SRBD1: variants seen among roughly 807,000 people sequenced by gnomAD.
The protein encoded by SRBD1 is S1 RNA-binding domain-containing protein 1.
A neutral mutation model predicts 115.3 loss-of-function variants in SRBD1; 88 were observed. The observed-to-expected ratio is 0.76, with a 90% CI of 0.64 to 0.91. The LOEUF (loss-of-function observed/expected upper bound fraction) is 0.91. Ranked by LOEUF, SRBD1 falls within the 40% of genes least tolerant of loss-of-function variation. The pLI is 0.00. For missense variants in SRBD1, 1,385 were observed against 1,177.4 expected (o/e 1.18, Z -2.58); for synonymous variants, 509 against 407.7 (o/e 1.25, Z -2.99).
intron 15 of SRBD1, among the ~76,000 whole-genome samples, chr2:45,477,423 T>C (rs1669836902): frequency 6.6e-6 from 1 of 152,332 alleles, no homozygotes. Context: ...TACCTCATGC[T>C]TCACAGAGGA....
chr2:45,491,848 G>C (rs1433133794), intron 14 of SRBD1, among the ~76,000 whole-genome samples: 1 of 152,102 alleles, frequency 6.6e-6, no homozygotes, highest in Non-Finnish European at 1.5e-5. Flanking sequence ...TTGAGACAGA[G>C]TCTCACTCTG....
chr2:45,451,813 G>T (rs1478990938), intron 16 of SRBD1, among the ~76,000 whole-genome samples: 2 of 151,118 alleles, frequency 1.3e-5, no homozygotes, highest in Non-Finnish European at 3.0e-5. Flanking sequence ...TGTCTGTCTG[G>T]GCAGTAGAGA....
intron 16 of SRBD1, among the ~76,000 whole-genome samples, chr2:45,430,291 T>G (rs1668293114): frequency 6.6e-6 from 1 of 152,100 alleles, no homozygotes; most frequent in Non-Finnish European, 1.5e-5. Context: ...AGAAAAAAAC[T>G]ACTTTAAATT....
chr2:45,563,384 G>A (rs1032367013), intron 9 of SRBD1, among the ~76,000 whole-genome samples: 1 of 151,672 alleles, frequency 6.6e-6, no homozygotes, highest in African/African-American at 2.4e-5. Context: ...TTAAAAGAAC[G>A]ACTGTCTTAA....
intron 12 of SRBD1, among the ~76,000 whole-genome samples, chr2:45,548,250 T>C (rs1361820992): frequency 6.6e-6 from 1 of 150,926 alleles, no homozygotes; most frequent in African/African-American, 2.4e-5. Flanking sequence ...AAAGCAAAAA[T>C]TAACAGAAAA....
intron 9 of SRBD1, among the ~76,000 whole-genome samples, chr2:45,569,029 T>C (rs1253697306): frequency 1.3e-5 from 2 of 152,214 alleles, no homozygotes; most frequent in East Asian, 1.9e-4. Flanking sequence ...AATCTTTAAA[T>C]GGGCAAGGGC....
intron 4 of SRBD1, among the ~76,000 whole-genome samples, chr2:45,589,949 C>T (rs1673666304): frequency 6.6e-6 from 1 of 152,146 alleles, no homozygotes; most frequent in Non-Finnish European, 1.5e-5. Context: ...AGTGTATATA[C>T]ATTGTTTTAA....
rs536068986 is a variant in SRBD1, at chr2:45,450,086, C to T, written c.2049+26907G>A. Among the ~76,000 whole-genome samples, 5 of 152,172 alleles carry T rather than the reference C, an allele frequency of 3.3e-5. No homozygotes were observed. The East Asian group carries it at 9.6e-4, about 29-fold the overall frequency. On this transcript the variant is annotated intron_variant, in intron 16 of 20. Coordinates refer to ENST00000263736, the MANE Select transcript of SRBD1 (RefSeq NM_018079.5). ...ACCTTTCTTAACAGATGACATAAGA[C>T]CACAAAAAGAAGCACAGGAGGCCTA... is the stretch of plus-strand genomic sequence containing the variant.
At chr2:45,546,438 G>A in intron 14 of SRBD1, 1 of 755,504 alleles carries the variant, frequency 1.3e-6, no homozygotes, top group Non-Finnish European at 1.6e-6. Context: ...TTATTCAATA[G>A]TTAACTAGAA....
rs541673777 is a variant in SRBD1 at position 45,503,113 on chromosome 2, C to A, written c.1875-14782G>T. Among the ~76,000 whole-genome samples the A allele has an allele frequency of 2.6e-5, 4 of 152,308 alleles. No homozygotes were observed. In the East Asian group the frequency reaches 7.7e-4, roughly 29 times the overall value. On this transcript the variant is annotated intron_variant, in intron 14 of 20. Transcript: ENST00000263736. ...ATGTGAAAGCTTAAGAGTTTTCCAG[C>A]TGCACAATACATAAATGTCTTTCAT...
chr2:45,514,529 T>C (rs1002312157), intron 14 of SRBD1, among the ~76,000 whole-genome samples: 3 of 152,190 alleles, frequency 2.0e-5, no homozygotes, highest in African/African-American at 7.2e-5. Flanking sequence ...CCAACACAAG[T>C]CATTTAGCTA....
chr2:45,433,301 T>C (rs1668393691), intron 16 of SRBD1, among the ~76,000 whole-genome samples: 1 of 152,162 alleles, frequency 6.6e-6, no homozygotes, highest in Non-Finnish European at 1.5e-5. Context: ...AAAATAACTG[T>C]GTGAGGTAAT....
intron 9 of SRBD1, among the ~76,000 whole-genome samples, chr2:45,572,663 C>T (rs1466324403): frequency 1.3e-5 from 2 of 151,962 alleles, no homozygotes; most frequent in Non-Finnish European, 1.5e-5. Flanking sequence ...AATATAAACG[C>T]CAGTGTTACT....
rs185119161 is a variant in SRBD1 at position 45,585,065 on chromosome 2, G to A, written c.815+543C>T. 2.4e-3 allele frequency among the ~76,000 whole-genome samples: 357 copies of A among 151,890 alleles called. 1 individual carries two copies. The highest frequency in any genetic ancestry group is 3.4e-3 in the Non-Finnish European group (233 of 67,960). On this transcript the variant is annotated intron_variant, in intron 5 of 20. Transcript: ENST00000263736. Reference sequence around the variant, plus strand: ...CTCGGGAGGCTGAGGCAGGAGAGTCGCCTGAGCCTGGGATACAGAGATTGT... The same window carrying A: ...CTCGGGAGGCTGAGGCAGGAGAGTCACCTGAGCCTGGGATACAGAGATTGT...
At chr2:45,436,209 C>A (rs2880635) in intron 16 of SRBD1, among the ~76,000 whole-genome samples, 5,661 of 152,172 alleles carry the variant, frequency 0.037, 318 homozygotes, top group African/African-American at 0.12. Context: ...CTAACTAACA[C>A]TCATTCATGA....
intron 14 of SRBD1, among the ~76,000 whole-genome samples, chr2:45,503,578 T>C (rs1670703940): frequency 1.3e-5 from 2 of 152,320 alleles, no homozygotes; most frequent in South Asian, 4.1e-4. Context: ...ATAATTCACA[T>C]ACCAATTCAT....
intron 16 of SRBD1, among the ~76,000 whole-genome samples, chr2:45,455,070 T>C (rs1161946873): frequency 6.6e-6 from 1 of 151,910 alleles, no homozygotes; most frequent in Non-Finnish European, 1.5e-5. Context: ...ACAATTCCTC[T>C]ACACTTCTTA....
At chr2:45,483,032 C>T (rs1670014417) in intron 15 of SRBD1, among the ~76,000 whole-genome samples, 3 of 151,946 alleles carry the variant, frequency 2.0e-5, no homozygotes, top group Admixed American at 2.0e-4. Flanking sequence ...ACAGGGTCAA[C>T]TGTATTTATT....
intron 4 of SRBD1, among the ~76,000 whole-genome samples, chr2:45,594,843 T>C (rs1055419184): frequency 6.6e-6 from 1 of 152,220 alleles, no homozygotes; most frequent in African/African-American, 2.4e-5. Flanking sequence ...AGCCAATTTA[T>C]CAAACAGGCC....
Sources: allele counts gnomAD v4.1 joint callset (sites outside exome capture counted in the v4.1 genomes callset), GRCh38; gene constraint gnomAD v4.1.1; transcripts MANE v1.5; gene names NCBI Gene and HGNC (gene_info 2026-07-23, HGNC 2026-07-21).